Variants in PRKCA observed in about 807,000 individuals in gnomAD.
The protein encoded by PRKCA is protein kinase C alpha type.
In PRKCA, 27 loss-of-function variants were observed where a neutral mutation model predicts 87.0. That is an observed-to-expected ratio of 0.31 (90% CI 0.23 to 0.43). The LOEUF is 0.43. Among genes scored for constraint, PRKCA ranks in the 20% least tolerant of loss-of-function variants. The pLI is 1.00. For synonymous variants in PRKCA, 329 were observed against 311.1 expected, an observed-to-expected ratio of 1.06 and a Z score of -0.61; for missense variants, 518 against 852.3, an observed-to-expected ratio of 0.61 and a Z score of 4.88.
At chr17:66,551,777 A>G (rs751262603) in intron 3 of PRKCA, among the ~76,000 whole-genome samples, 4 of 151,934 alleles carry the variant, frequency 2.6e-5, no homozygotes, top group Non-Finnish European at 4.4e-5. Context: ...ATCCTAATTT[A>G]TATATATATA....
At chr17:66,531,813 T>G (rs1967551873) in intron 3 of PRKCA, among the ~76,000 whole-genome samples, 1 of 152,218 alleles carries the variant, frequency 6.6e-6, no homozygotes, top group Admixed American at 6.5e-5. Context: ...CTGCAAGTCC[T>G]GGTTGGTGAC....
intron 3 of PRKCA, among the ~76,000 whole-genome samples, chr17:66,617,506 TG>T (rs1267965316): frequency 6.6e-6 from 1 of 152,168 alleles, no homozygotes; most frequent in Non-Finnish European, 1.5e-5. Context: ...GTGTCCCTAA[TG>T]GGCTTGTTCC....
chr17:66,798,420 TGGTGGTGGTGGTGAC>T (rs1568040800), intron 16 of PRKCA, among the ~76,000 whole-genome samples: 30 of 127,012 alleles, frequency 2.4e-4, no homozygotes, highest in African/African-American at 7.6e-4. Flanking sequence ...GTGATGGTGG[TGGTGGTGGTGGTGAC>T]GGTGGTGGTG....
chr17:66,688,836 C>T (rs1363112614), intron 7 of PRKCA, 115 bp from the exon 8 acceptor site: 2 of 684,904 alleles, frequency 2.9e-6, no homozygotes, highest in Admixed American at 2.9e-5. Flanking sequence ...CAAATGTCTA[C>T]TGATCTGGCT....
intron 2 of PRKCA, among the ~76,000 whole-genome samples, chr17:66,493,287 G>A (rs1205648258): frequency 7.3e-6 from 1 of 136,622 alleles, no homozygotes. Flanking sequence ...GTATGTCTAT[G>A]TAGGTATATT....
intron 3 of PRKCA, among the ~76,000 whole-genome samples, chr17:66,589,444 G>C (rs770397587): frequency 2.0e-5 from 3 of 152,136 alleles, no homozygotes; most frequent in African/African-American, 7.2e-5. Context: ...AGCTTTAATG[G>C]CTGTGTAGTA....
chr17:66,710,545 T>TCAGCCTG (rs1973298174), intron 8 of PRKCA, among the ~76,000 whole-genome samples: 1 of 152,116 alleles, frequency 6.6e-6, no homozygotes, highest in African/African-American at 2.4e-5. Context: ...CTCCCGGGCC[T>TCAGCCTG]CAGCCTGCAG....
intron 2 of PRKCA, among the ~76,000 whole-genome samples, chr17:66,388,771 T>C (rs994304591): frequency 1.3e-5 from 2 of 152,162 alleles, no homozygotes; most frequent in Non-Finnish European, 2.9e-5. Context: ...CACCTTCCTA[T>C]ACACAAAGAC....
chr17:66,397,173 C>T (rs762257863), intron 2 of PRKCA, among the ~76,000 whole-genome samples: 3 of 151,200 alleles, frequency 2.0e-5, no homozygotes, highest in Middle Eastern at 3.5e-3. Context: ...TCCATGTTGC[C>T]AGGCTGGTCT....
chr17:66,702,182 T>C (rs184117690), intron 8 of PRKCA, among the ~76,000 whole-genome samples: 1 of 151,746 alleles, frequency 6.6e-6, no homozygotes, highest in Non-Finnish European at 1.5e-5. Flanking sequence ...AAAGGCTCAA[T>C]TGTGTATACA....
At chr17:66,371,019 A>G (rs1306737276) in intron 2 of PRKCA, among the ~76,000 whole-genome samples, 1 of 152,220 alleles carries the variant, frequency 6.6e-6, no homozygotes, top group Non-Finnish European at 1.5e-5. Flanking sequence ...AACAAATCAC[A>G]TCCTGTTTAT....
At chr17:66,752,784 C>T (rs1207591654) in intron 13 of PRKCA, among the ~76,000 whole-genome samples, 1 of 152,150 alleles carries the variant, frequency 6.6e-6, no homozygotes, top group Non-Finnish European at 1.5e-5. Flanking sequence ...TTCCATGCAG[C>T]CACTTGTCAC....
intron 8 of PRKCA, among the ~76,000 whole-genome samples, chr17:66,704,187 T>C (rs1973137305): frequency 1.3e-5 from 2 of 151,498 alleles, no homozygotes; most frequent in Non-Finnish European, 2.9e-5. Flanking sequence ...AGGAATAGGT[T>C]AAGTTCAGAA....
chr17:66,678,837 T>C (rs1972409520), intron 5 of PRKCA, among the ~76,000 whole-genome samples: 1 of 152,072 alleles, frequency 6.6e-6, no homozygotes. Context: ...GCCTTAAAAA[T>C]CTCTACATCG....
intron 3 of PRKCA, among the ~76,000 whole-genome samples, chr17:66,504,514 C>A (rs1395778727): frequency 1.3e-5 from 2 of 151,958 alleles, no homozygotes; most frequent in Non-Finnish European, 2.9e-5. Flanking sequence ...ATTGCCTGAA[C>A]CTGGGAGGCA....
chr17:66,446,196 G>C (rs1053526553), intron 2 of PRKCA, among the ~76,000 whole-genome samples: 2 of 151,928 alleles, frequency 1.3e-5, no homozygotes, highest in Admixed American at 6.6e-5. Flanking sequence ...CTCTGGGGAA[G>C]GTGCTGTTTT....
Position 66,732,696 on chromosome 17 carries a change from A to G in PRKCA, c.927A>G (p.Lys309=), listed in dbSNP as rs759840774. The G allele has an allele frequency of 5.0e-6, 8 of 1,613,926 alleles. No individual in the cohort carries two copies. The highest frequency in any genetic ancestry group is 6.8e-6 in the Non-Finnish European group (8 of 1,179,998). Reference sequence around the variant, plus strand: ...TTGTGCTTGTTATTTAGAAAGCCAAACTTGGCCCTGCTGGCAACAAAGTCA... The same window carrying G: ...TTGTGCTTGTTATTTAGAAAGCCAAGCTTGGCCCTGCTGGCAACAAAGTCA... The part of the protein sequence containing the change: ...MELRQKFEKA[K]LGPAGNKVIS... The change falls in exon 9 of 17, where the codon AAA becomes AAG. Residue 309 remains lysine, a synonymous_variant. Transcript: ENST00000413366.
intron 13 of PRKCA, among the ~76,000 whole-genome samples, chr17:66,770,143 A>G (rs1004728801): frequency 6.6e-6 from 1 of 152,236 alleles, no homozygotes; most frequent in African/African-American, 2.4e-5. Flanking sequence ...CCACTAGAGA[A>G]ACAGATGGAA....
At chr17:66,628,492 T>C (rs996726149) in intron 3 of PRKCA, among the ~76,000 whole-genome samples, 1 of 152,142 alleles carries the variant, frequency 6.6e-6, no homozygotes, top group African/African-American at 2.4e-5. Flanking sequence ...TCAGCCTCTC[T>C]CTCTTTTTTT....
Sources: gnomAD v4.1 joint callset for allele counts (sites outside exome capture counted in the v4.1 genomes callset) on GRCh38, gnomAD v4.1.1 for gene constraint, MANE v1.5 for transcripts, NCBI Gene and HGNC (gene_info 2026-07-23, HGNC 2026-07-21) for gene names.